Variants in CTNNAL1 observed in about 807,000 individuals in gnomAD.
CTNNAL1 encodes the protein catenin alpha like 1.
In CTNNAL1, 69 loss-of-function variants were observed where a neutral mutation model predicts 93.6. The ratio of observed to expected loss-of-function variants is 0.74; its 90% CI spans 0.61 to 0.90. The LOEUF is 0.90. Among genes scored for constraint, CTNNAL1 ranks in the 40% least tolerant of loss-of-function variants. CTNNAL1 has a pLI of 0.00. For synonymous variants in CTNNAL1, 286 were observed against 305.4 expected, an observed-to-expected ratio of 0.94 and a Z score of 0.66; for missense variants, 836 against 862.0, an observed-to-expected ratio of 0.97 and a Z score of 0.38.
intron 9 of CTNNAL1, 52 bp from the exon 10 acceptor site, chr9:108,970,546 T>C (rs371586909): frequency 5.5e-5 from 79 of 1,437,648 alleles, no homozygotes; most frequent in Non-Finnish European, 6.8e-5. Context: ...TCCTCCACAA[T>C]ACATAGTATC....
At chr9:108,955,976 A>G in intron 11 of CTNNAL1, 149 bp from the exon 12 acceptor site, 1 of 515,390 alleles carries the variant, frequency 1.9e-6, no homozygotes. Context: ...AAATTCAGAA[A>G]TAAAATTGTA....
chr9:108,971,543 T>A (rs369176487), intron 9 of CTNNAL1, among the ~76,000 whole-genome samples: 3 of 152,324 alleles, frequency 2.0e-5, no homozygotes, highest in Admixed American at 6.5e-5. Flanking sequence ...ATAAGTCTCA[T>A]GGGATCTGAT....
chr9:108,942,696 T>C lies in CTNNAL1; in HGVS notation c.*73A>G, dbSNP rs1830276169. 1 of 1,019,034 alleles carries C rather than the reference T, an allele frequency of 9.8e-7. No individual in the cohort carries two copies. Among genetic ancestry groups the C allele is most frequent in the African/African-American group, 1.6e-5 (1 of 61,742 alleles). 63.1% of individuals were successfully genotyped at this position (1,019,034 alleles called of 1,614,324 possible). On this transcript the variant is annotated 3_prime_UTR_variant, in exon 19 of 19. Coordinates refer to ENST00000325551, the MANE Select transcript of CTNNAL1 (RefSeq NM_003798.4). ...TAAAATTGATGAATTTCTGAAAAGA[T>C]AAAGGATCATTTGATTTTTAAAAAT...
chr9:108,959,759 C>T (rs1323814440), intron 11 of CTNNAL1, among the ~76,000 whole-genome samples: 1 of 152,110 alleles, frequency 6.6e-6, no homozygotes, highest in African/African-American at 2.4e-5. Flanking sequence ...AAAGCACTGT[C>T]CTCAACGAGG....
At chr9:108,960,315 T>C (rs890469807) in intron 11 of CTNNAL1, among the ~76,000 whole-genome samples, 1 of 152,174 alleles carries the variant, frequency 6.6e-6, no homozygotes, top group African/African-American at 2.4e-5. Flanking sequence ...AGTCCCCTTA[T>C]CTTCATCTTG....
intron 4 of CTNNAL1, among the ~76,000 whole-genome samples, chr9:108,987,310 C>G (rs1831641956): frequency 6.6e-6 from 1 of 151,408 alleles, no homozygotes; most frequent in Non-Finnish European, 1.5e-5. Flanking sequence ...GCTTGTTTTT[C>G]TCAGGTTTGT....
intron 8 of CTNNAL1, among the ~76,000 whole-genome samples, chr9:108,973,967 C>A (rs1377619456): frequency 1.3e-5 from 2 of 152,168 alleles, no homozygotes; most frequent in East Asian, 3.9e-4. Context: ...CACATAAGAA[C>A]TTAAAAAGAT....
At chr9:108,976,554 A>G (rs1831271450) in intron 8 of CTNNAL1, among the ~76,000 whole-genome samples, 1 of 151,674 alleles carries the variant, frequency 6.6e-6, no homozygotes, top group Non-Finnish European at 1.5e-5. Context: ...TTTTTGAGAC[A>G]CAGTCTCACT....
At chr9:108,995,681 TG>T (rs1374374023) in intron 2 of CTNNAL1, among the ~76,000 whole-genome samples, 4 of 152,156 alleles carry the variant, frequency 2.6e-5, no homozygotes, top group Non-Finnish European at 5.9e-5. Context: ...ATATAAACCT[TG>T]CCTGGTAGCC....
chr9:108,955,760 T>C (rs748034379), intron 12 of CTNNAL1, 30 bp downstream of exon 12: 7 of 1,575,460 alleles, frequency 4.4e-6, no homozygotes, highest in Non-Finnish European at 6.1e-6. Flanking sequence ...AATAAAAACA[T>C]TCTGCAATGT....
At chr9:108,997,248 T>TA (rs1432320119) in intron 2 of CTNNAL1, among the ~76,000 whole-genome samples, 2 of 152,182 alleles carry the variant, frequency 1.3e-5, no homozygotes, top group African/African-American at 4.8e-5. Flanking sequence ...TCAACCACCT[T>TA]AATGAGTATT....
intron 10 of CTNNAL1, among the ~76,000 whole-genome samples, chr9:108,967,293 C>T (rs1203375678): frequency 1.3e-5 from 2 of 152,098 alleles, no homozygotes; most frequent in Non-Finnish European, 2.9e-5. Context: ...ATGATAACTG[C>T]TATGAGGGAA....
At chr9:108,949,573 G>C (rs1424491532) in intron 14 of CTNNAL1, among the ~76,000 whole-genome samples, 1 of 152,174 alleles carries the variant, frequency 6.6e-6, no homozygotes, top group African/African-American at 2.4e-5. Flanking sequence ...GCCAGGTGTG[G>C]TGGCTAACGC....
In CTNNAL1 at chr9:108,968,112, A is replaced by G. The variant is rs534494795; in HGVS notation, c.1440+2290T>C. Among the ~76,000 whole-genome samples, 85 of 152,342 alleles carry G rather than the reference A, an allele frequency of 5.6e-4. 1 individual carries two copies. In the Middle Eastern group the frequency reaches 0.02, roughly 37 times the overall value. ...GCAGGCACATAACTTGCCATGGACTACAGGCTAGATTTTGGCATTGCTCTC... is the reference window on the plus strand; with the variant it reads ...GCAGGCACATAACTTGCCATGGACTGCAGGCTAGATTTTGGCATTGCTCTC... On this transcript the variant is annotated intron_variant, in intron 10 of 18. Transcript: ENST00000325551.
chr9:108,984,874 G>A (rs62575209), intron 4 of CTNNAL1, among the ~76,000 whole-genome samples: 39 of 152,304 alleles, frequency 2.6e-4, no homozygotes, highest in East Asian at 5.8e-4. Context: ...AAGGAGCCTC[G>A]TCTAATTAAT....
At chr9:108,999,646 G>T (rs1001780364) in intron 1 of CTNNAL1, among the ~76,000 whole-genome samples, 11 of 152,210 alleles carry the variant, frequency 7.2e-5, no homozygotes, top group African/African-American at 2.7e-4. Flanking sequence ...AGTAGAAACA[G>T]CTCTTCTTCC....
chr9:108,983,008 G>A, intron 6 of CTNNAL1, 137 bp downstream of exon 6: 1 of 693,786 alleles, frequency 1.4e-6, no homozygotes, highest in Non-Finnish European at 1.9e-6. Context: ...AACCCAGGAG[G>A]TGGAGGTTGC....
At chr9:108,978,669 A>G (rs941071108) in intron 7 of CTNNAL1, among the ~76,000 whole-genome samples, 1 of 152,198 alleles carries the variant, frequency 6.6e-6, no homozygotes, top group Non-Finnish European at 1.5e-5. Flanking sequence ...TTCTTGCCCA[A>G]ATAAGCTCCT....
intron 10 of CTNNAL1, among the ~76,000 whole-genome samples, chr9:108,967,226 A>C (rs569864069): frequency 5.9e-5 from 9 of 152,230 alleles, no homozygotes; most frequent in Non-Finnish European, 1.2e-4. Flanking sequence ...TATGAAGCTT[A>C]TACTCTAGTG....
Sources: gnomAD v4.1 joint callset for allele counts (sites outside exome capture counted in the v4.1 genomes callset) on GRCh38, gnomAD v4.1.1 for gene constraint, MANE v1.5 for transcripts, NCBI Gene and HGNC (gene_info 2026-07-23, HGNC 2026-07-21) for gene names.